GRM4: variants seen among roughly 807,000 people sequenced by gnomAD.
GRM4 encodes the protein glutamate metabotropic receptor 4.
GRM4 carries 28 observed loss-of-function variants against 81.7 expected under a neutral mutation model. That is an observed-to-expected ratio of 0.34 (90% confidence interval 0.25 to 0.47). The LOEUF is 0.47. GRM4 is among the 20% of genes least tolerant of loss of function. The pLI is 1.00. For synonymous variants in GRM4, 488 were observed against 528.8 expected (o/e 0.92, Z 1.06); for missense variants, 948 against 1,290.0 (o/e 0.73, Z 4.06).
At position 34,130,903 on chromosome 6, in the gene GRM4, C is replaced by T. The variant is rs770506920; in HGVS notation, c.519+2075G>A. Among the ~76,000 whole-genome samples, 2 of 152,250 alleles carry T rather than the reference C, an allele frequency of 1.3e-5. No homozygotes were observed. The highest frequency in any genetic ancestry group is 6.5e-5 in the Admixed American group (1 of 15,284). On this transcript the variant is annotated intron_variant, in intron 2 of 10. Transcript: ENST00000538487. The surrounding 1 kb of genome is among the most constrained non-coding windows in gnomAD (Gnocchi z 4.1). ...CAGATAAAGAGAATACAGCAGCCTC[C>T]CTTGTGGGGTGGCCTTCCTGGAGGC...
chr6:34,131,772 C>T lies in GRM4; in HGVS notation c.519+1206G>A, dbSNP rs1323640500. ...GTGGTCCAGGCTCAGCTCTCCCCAC[C>T]GTGCCTAGTGCAAAACAGCCTCTCT... On this transcript the variant is annotated intron_variant, in intron 2 of 10. Coordinates refer to ENST00000538487, the MANE Select transcript of GRM4 (RefSeq NM_000841.4). Among the ~76,000 whole-genome samples the T allele has an allele frequency of 3.3e-5, 5 of 152,182 alleles. 1 individual carries two copies. The highest frequency in any genetic ancestry group is 3.2e-3 in the Middle Eastern group (1 of 316).
chr6:34,122,718 C>T (rs1343348721), intron 2 of GRM4, among the ~76,000 whole-genome samples: 1 of 141,272 alleles, frequency 7.1e-6, no homozygotes, highest in Admixed American at 6.9e-5. Flanking sequence ...GGGCTGGCGG[C>T]TTCCCCGGTT....
At chr6:34,139,149 C>T (rs1262963196) in intron 1 of GRM4, among the ~76,000 whole-genome samples, 5 of 152,206 alleles carry the variant, frequency 3.3e-5, no homozygotes, top group Admixed American at 3.3e-4. Context: ...CCCTTTCCTT[C>T]CCCCGTGAGC....
chr6:34,143,272 C>T (rs1039705392), intron 1 of GRM4, among the ~76,000 whole-genome samples: 3 of 152,160 alleles, frequency 2.0e-5, no homozygotes, highest in African/African-American at 7.2e-5. Flanking sequence ...TGAGCAGAGG[C>T]TTGGAGGCAC....
chr6:34,057,538 C>T (rs1227878888), intron 5 of GRM4, among the ~76,000 whole-genome samples: 3 of 152,162 alleles, frequency 2.0e-5, no homozygotes, highest in South Asian at 2.1e-4. Context: ...TCCTGTGCAC[C>T]GTACGATACT....
chr6:34,128,196 G>T (rs751561180), intron 2 of GRM4, among the ~76,000 whole-genome samples: 3 of 152,176 alleles, frequency 2.0e-5, no homozygotes, highest in Non-Finnish European at 4.4e-5. Flanking sequence ...AACTCTCCGG[G>T]ATCAGCCTTA....
intron 2 of GRM4, among the ~76,000 whole-genome samples, chr6:34,093,050 C>G (rs1768325511): frequency 6.6e-6 from 1 of 152,198 alleles, no homozygotes; most frequent in African/African-American, 2.4e-5. Flanking sequence ...TGCCCTCTGC[C>G]CGCTCAGTTG....
At chr6:34,096,890 T>C (rs1466391724) in intron 2 of GRM4, among the ~76,000 whole-genome samples, 1 of 152,054 alleles carries the variant, frequency 6.6e-6, no homozygotes, top group African/African-American at 2.4e-5. Context: ...TAAGCAACAA[T>C]GAAGATGGAT....
intron 6 of GRM4, among the ~76,000 whole-genome samples, chr6:34,045,012 C>T (rs1765300357): frequency 6.6e-6 from 1 of 152,008 alleles, no homozygotes; most frequent in African/African-American, 2.4e-5. Flanking sequence ...ACACACACCA[C>T]ACAGATACAC....
chr6:34,113,148 C>T (rs1769454650), intron 2 of GRM4, among the ~76,000 whole-genome samples: 1 of 151,492 alleles, frequency 6.6e-6, no homozygotes, highest in Admixed American at 6.6e-5. Flanking sequence ...TCCCTCCCTC[C>T]CTTCCTTCCT....
chr6:34,062,382 G>A, intron 3 of GRM4: 1 of 234,108 alleles, frequency 4.3e-6, no homozygotes, highest in Non-Finnish European at 8.3e-6. Flanking sequence ...GTCAGTTACT[G>A]GACCTCTCTG....
chr6:34,026,807 G>T (rs532116512), intron 10 of GRM4, among the ~76,000 whole-genome samples: 1 of 152,230 alleles, frequency 6.6e-6, no homozygotes, highest in Non-Finnish European at 1.5e-5. Flanking sequence ...CTCCGGGAGG[G>T]GCTAATACCC....
At position 34,040,584 on chromosome 6, in the gene GRM4, G is replaced by A; in HGVS notation, c.1333C>T (p.Gln445Ter). ...ACGTTTCGGATGTACTTAAGCAGCT[G>A]GGTGCCATCTACAGGGTCCATGCGC... ...CPRMDPVDGTQLLKYIRNVNF... is the reference protein window; with the variant it reads ...CPRMDPVDGT Residue 445 changes from glutamine to a stop codon, truncating the protein, a stop_gained, in exon 7 of 11, where the codon CAG becomes TAG. Transcript: ENST00000538487. LOFTEE classifies it high-confidence loss of function. 4 of 1,613,990 alleles carry A rather than the reference G, an allele frequency of 2.5e-6. No individual in the cohort carries two copies. Among genetic ancestry groups the A allele is most frequent in the Non-Finnish European group, 3.4e-6 (4 of 1,179,920 alleles).
At chr6:34,097,908 GC>G in intron 2 of GRM4, among the ~76,000 whole-genome samples, 1 of 152,296 alleles carries the variant, frequency 6.6e-6, no homozygotes, top group East Asian at 1.9e-4. Context: ...ACCTGACAAA[GC>G]CCACACTCCT....
intron 6 of GRM4, among the ~76,000 whole-genome samples, chr6:34,044,435 T>G (rs1206958680): frequency 2.9e-5 from 4 of 137,538 alleles, no homozygotes; most frequent in East Asian, 2.2e-4. Flanking sequence ...CACACAGACA[T>G]ACATACATAC....
At chr6:34,123,626 G>A (rs1769904190) in intron 2 of GRM4, among the ~76,000 whole-genome samples, 1 of 152,018 alleles carries the variant, frequency 6.6e-6, no homozygotes, top group African/African-American at 2.4e-5. Context: ...ACACTCCACG[G>A]TCTACACGCC....
At chr6:34,041,216 C>A (rs1455968939) in intron 6 of GRM4, among the ~76,000 whole-genome samples, 4 of 152,168 alleles carry the variant, frequency 2.6e-5, no homozygotes, top group Non-Finnish European at 4.4e-5. Flanking sequence ...GCCACTCACC[C>A]ATGGGCAGTT....
At chr6:34,027,717 AGGGCACAGGCAG>A (rs1326324763) in intron 10 of GRM4, among the ~76,000 whole-genome samples, 4 of 152,270 alleles carry the variant, frequency 2.6e-5, no homozygotes, top group Middle Eastern at 6.8e-3. Flanking sequence ...AGGGGCTGAA[AGGGCACAGGCAG>A]GGGCACAGGC....
chr6:34,154,975 C>G (rs962951556), intron 1 of GRM4: 39 of 947,470 alleles, frequency 4.1e-5, no homozygotes, highest in Non-Finnish European at 5.1e-5. Flanking sequence ...GGGCCTGGGG[C>G]GGGTCCGAGC....
Sources: allele counts gnomAD v4.1 joint callset (sites outside exome capture counted in the v4.1 genomes callset), GRCh38; gene constraint gnomAD v4.1.1; non-coding constraint Gnocchi (gnomAD v3.1); transcripts MANE v1.5; gene names NCBI Gene and HGNC (gene_info 2026-07-23, HGNC 2026-07-21).